Variants in LHCGR observed in about 807,000 individuals in gnomAD.
The protein encoded by LHCGR is lutropin-choriogonadotropic hormone receptor.
LHCGR carries 55 observed loss-of-function variants against 60.7 expected under a neutral mutation model. The observed-to-expected ratio is 0.91, with a 90% CI of 0.73 to 1.13. The LOEUF is 1.13. Ranked by LOEUF, LHCGR falls within the 50% of genes most tolerant of loss-of-function variation. LHCGR has a pLI of 0.00. For synonymous variants in LHCGR, 337 were observed against 316.5 expected, an observed-to-expected ratio of 1.06 and a Z score of -0.69; for missense variants, 862 against 836.0, an observed-to-expected ratio of 1.03 and a Z score of -0.38.
chr2:48,734,704 G>A (rs1363477038), intron 1 of LHCGR, among the ~76,000 whole-genome samples: 1 of 152,134 alleles, frequency 6.6e-6, no homozygotes, highest in Non-Finnish European at 1.5e-5. Context: ...AGAAGCCAAG[G>A]AGAACTGAGG....
intron 10 of LHCGR, among the ~76,000 whole-genome samples, chr2:48,689,806 C>G (rs1485891969): frequency 6.6e-6 from 1 of 152,120 alleles, no homozygotes; most frequent in Non-Finnish European, 1.5e-5. Context: ...CCTCTGCCTC[C>G]CAGGTTCAAA....
chr2:48,690,054 T>G (rs1171159053), intron 10 of LHCGR, among the ~76,000 whole-genome samples: 1 of 152,206 alleles, frequency 6.6e-6, no homozygotes, highest in Non-Finnish European at 1.5e-5. Flanking sequence ...GTTTTCTTCC[T>G]GATATCCTTT....
chr2:48,732,612 A>T (rs140845184), intron 1 of LHCGR, among the ~76,000 whole-genome samples: 1 of 152,274 alleles, frequency 6.6e-6, no homozygotes, highest in East Asian at 1.9e-4. Context: ...ATGACTCCAG[A>T]CATCCTTTCC....
chr2:48,750,649 T>G (rs1669918416), intron 1 of LHCGR, among the ~76,000 whole-genome samples: 1 of 152,252 alleles, frequency 6.6e-6, no homozygotes, highest in African/African-American at 2.4e-5. Flanking sequence ...CTGCATGAGT[T>G]AATTGTTCCT....
chr2:48,702,537 T>G (rs1667463966), intron 8 of LHCGR, among the ~76,000 whole-genome samples: 1 of 152,154 alleles, frequency 6.6e-6, no homozygotes, highest in African/African-American at 2.4e-5. Flanking sequence ...CTTGTGATAG[T>G]TTGTTGAGAA....
chr2:48,750,668 A>G (rs780787626), intron 1 of LHCGR, among the ~76,000 whole-genome samples: 4 of 152,236 alleles, frequency 2.6e-5, no homozygotes, highest in Non-Finnish European at 4.4e-5. Flanking sequence ...CTATTCAGCT[A>G]TCTCAGTTTA....
chr2:48,701,252 A>G (rs903811465), intron 8 of LHCGR, among the ~76,000 whole-genome samples: 1 of 152,090 alleles, frequency 6.6e-6, no homozygotes, highest in Admixed American at 6.5e-5. Context: ...AGGACAGCTC[A>G]TTTCCTTCCC....
At chr2:48,713,909 G>T in intron 7 of LHCGR, 77 bp downstream of exon 7, 2 of 1,160,080 alleles carry the variant, frequency 1.7e-6, no homozygotes, top group South Asian at 1.3e-5. Context: ...GTTAGTTGCT[G>T]AAGATTGAAT....
chr2:48,731,650 A>G (rs1668995631), intron 1 of LHCGR, among the ~76,000 whole-genome samples: 1 of 152,142 alleles, frequency 6.6e-6, no homozygotes, highest in Admixed American at 6.6e-5. Context: ...AATAATTCCT[A>G]CTTCACAGGG....
chr2:48,690,920 A>G (rs1253863816), intron 10 of LHCGR, among the ~76,000 whole-genome samples: 3 of 152,244 alleles, frequency 2.0e-5, no homozygotes, highest in Non-Finnish European at 4.4e-5. Flanking sequence ...TGTTCATTCA[A>G]TACATGTTTG....
chr2:48,754,942 C>T (rs897461782), intron 1 of LHCGR, among the ~76,000 whole-genome samples: 1 of 148,252 alleles, frequency 6.7e-6, no homozygotes, highest in Non-Finnish European at 1.5e-5. Context: ...GTCCATTAGA[C>T]CATGAGACTG....
At chr2:48,716,201 G>A (rs1668243336) in intron 6 of LHCGR, among the ~76,000 whole-genome samples, 2 of 152,324 alleles carry the variant, frequency 1.3e-5, no homozygotes, top group East Asian at 1.9e-4. Context: ...CCTGCAAAGA[G>A]AAGCTAGGGT....
intron 1 of LHCGR, among the ~76,000 whole-genome samples, chr2:48,753,467 G>T (rs192596421): frequency 1.3e-5 from 2 of 152,232 alleles, no homozygotes; most frequent in East Asian, 3.9e-4. Context: ...GGGTCACCAC[G>T]CTTGGCTAAG....
rs749630789 is a variant in LHCGR, at chr2:48,688,389, A to G, written c.1408T>C (p.Tyr470His). The change falls in exon 11 of 11, where the codon TAT (tyrosine) becomes CAT (histidine). Residue 470 changes from tyrosine (Y) to histidine (H), a missense_variant. Tyr to His is a moderately conservative substitution (Grantham distance 83). Transcript: ENST00000294954. This position sits in a 1 kb window ranked among gnomAD's most constrained non-coding sequence, Gnocchi z 5.2. The part of the protein sequence containing the change: ...ITLERWHTIT[Y>H]AIHLDQKLRL... ...AGCTTTTGGTCCAGGTGAATAGCATAGGTGATGGTGTGCCATCTTTCTAGA... is the reference window on the plus strand; with the variant it reads ...AGCTTTTGGTCCAGGTGAATAGCATGGGTGATGGTGTGCCATCTTTCTAGA... 3 of 1,614,190 alleles carry G rather than the reference A, an allele frequency of 1.9e-6. No individual in the cohort carries two copies. The highest frequency in any genetic ancestry group is 2.5e-6 in the Non-Finnish European group (3 of 1,180,022).
intron 9 of LHCGR, among the ~76,000 whole-genome samples, chr2:48,696,608 C>A (rs978434872): frequency 6.6e-6 from 1 of 152,060 alleles, no homozygotes; most frequent in African/African-American, 2.4e-5. Flanking sequence ...TGAAAATAAG[C>A]CACACCTCCT....
intron 9 of LHCGR, among the ~76,000 whole-genome samples, chr2:48,697,349 A>C (rs528953408): frequency 5.3e-5 from 8 of 152,284 alleles, no homozygotes; most frequent in Non-Finnish European, 1.0e-4. Context: ...CTGTTCTCAG[A>C]TCTGTCATAA....
rs1436623401 is a variant in LHCGR, at chr2:48,723,308, A to G, written c.536+148T>C. On this transcript the variant is annotated intron_variant, in intron 6 of 10. Transcript: ENST00000294954. The stretch of plus-strand genomic sequence containing the variant: ...TATGACCCAGCTGTGATCTTACACA[A>G]CTCCCTTCACCCTTAGCATTTTAGG... 4.2e-6 allele frequency: 3 copies of G among 708,602 alleles called. No individual in the cohort carries two copies. In the African/African-American group the frequency reaches 5.3e-5, roughly 12 times the overall value. The allele number at this position is 708,602 out of a possible 1,614,324, so 43.9% of individuals were successfully genotyped here. A position where few individuals can be genotyped will look rare whatever the true frequency, so the allele number is the denominator to read the frequency against.
Position 48,712,781 on chromosome 2 carries a change from T to C in LHCGR, c.605+1205A>G, listed in dbSNP as rs114323431. Among the ~76,000 whole-genome samples, 361 of 152,094 alleles carry C rather than the reference T, an allele frequency of 2.4e-3. 2 individuals carry two copies. Among genetic ancestry groups the C allele is most frequent in the African/African-American group, 8.2e-3 (341 of 41,502 alleles). ...TGACATTTTCAAAACAAGCCTATTA[T>C]TGGATCCATTTTATGAATGAAGACA... On this transcript the variant is annotated intron_variant, in intron 7 of 10. Transcript: ENST00000294954.
intron 1 of LHCGR, chr2:48,733,093 A>C (rs1372352829): frequency 9.8e-6 from 4 of 409,976 alleles, no homozygotes; most frequent in Non-Finnish European, 2.0e-5. Flanking sequence ...AATTTACAGA[A>C]GAGAAAGCTG....
Sources: gnomAD v4.1 joint callset for allele counts (sites outside exome capture counted in the v4.1 genomes callset) on GRCh38, gnomAD v4.1.1 for gene constraint, Gnocchi (gnomAD v3.1) non-coding constraint, MANE v1.5 for transcripts, NCBI Gene and HGNC (gene_info 2026-07-23, HGNC 2026-07-21) for gene names.